MAPRE1: variants seen among roughly 807,000 people sequenced by gnomAD.
The protein encoded by MAPRE1 is microtubule-associated protein RP/EB family member 1.
A neutral mutation model predicts 32.1 loss-of-function variants in MAPRE1; 5 were observed. The observed-to-expected ratio is 0.16, with a 90% confidence interval of 0.08 to 0.33. The LOEUF (loss-of-function observed/expected upper bound fraction) is 0.33, where lower values mean the gene tolerates loss of function less well. MAPRE1 is among the 10% of genes least tolerant of loss of function. MAPRE1 has a pLI of 1.00. For synonymous variants in MAPRE1, 122 were observed against 118.9 expected (o/e 1.03, Z -0.17); for missense variants, 209 against 327.2 (o/e 0.64, Z 2.79).
At chr20:32,829,964 C>CT (rs142101819) in intron 2 of MAPRE1, among the ~76,000 whole-genome samples, 6,964 of 152,018 alleles carry the variant, frequency 0.046, 197 homozygotes, top group East Asian at 0.092. Flanking sequence ...TTTATGAGAG[C>CT]TTTTTTTTGT....
intron 2 of MAPRE1, among the ~76,000 whole-genome samples, chr20:32,828,477 C>T (rs1415344189): frequency 6.6e-6 from 1 of 152,198 alleles, no homozygotes; most frequent in Non-Finnish European, 1.5e-5. Flanking sequence ...CTCATTCAGG[C>T]AGAGAGCTGT....
intron 2 of MAPRE1, among the ~76,000 whole-genome samples, chr20:32,832,556 C>T (rs938168420): frequency 1.3e-5 from 2 of 150,598 alleles, no homozygotes; most frequent in African/African-American, 4.9e-5. Context: ...AGTCCTTGAC[C>T]TCTTGGGCTC....
rs1346905231 is a variant in MAPRE1, at chr20:32,832,327, T to G, written c.122-1390T>G. Among the ~76,000 whole-genome samples the G allele has an allele frequency of 2.0e-5, 3 of 151,950 alleles. No individual in the cohort carries two copies. The East Asian group carries it at 5.8e-4, about 29-fold the overall frequency. On this transcript the variant is annotated intron_variant, in intron 2 of 6. Transcript: ENST00000375571. ...TGAAGCCTGCTGTGAATTAGGAGAG[T>G]TCAGTTTGTCGGCATTAGAGAAATA... is the stretch of plus-strand genomic sequence containing the variant.
chr20:32,824,303 C>T (rs765013845), intron 1 of MAPRE1, among the ~76,000 whole-genome samples: 3 of 152,200 alleles, frequency 2.0e-5, no homozygotes, highest in Admixed American at 1.3e-4. Flanking sequence ...ACAATAACGC[C>T]CACATTTACT....
At chr20:32,821,217 A>G (rs1244934953) in intron 1 of MAPRE1, among the ~76,000 whole-genome samples, 1 of 152,170 alleles carries the variant, frequency 6.6e-6, no homozygotes, top group African/African-American at 2.4e-5. Context: ...AGGTTTCGCC[A>G]TGTTGGCCAG....
intron 3 of MAPRE1, among the ~76,000 whole-genome samples, chr20:32,834,565 A>G (rs1409951710): frequency 1.3e-5 from 2 of 151,916 alleles, no homozygotes; most frequent in Non-Finnish European, 1.5e-5. Flanking sequence ...TTTTATGGCA[A>G]AGGTAGTAAC....
At chr20:32,826,518 C>T (rs1417584915) in intron 2 of MAPRE1, among the ~76,000 whole-genome samples, 2 of 84,276 alleles carry the variant, frequency 2.4e-5, no homozygotes, top group Non-Finnish European at 4.7e-5. Context: ...CCACGCCCGG[C>T]CTTTTTTTTT....
At chr20:32,842,611 C>A (rs1983395629) in intron 5 of MAPRE1, among the ~76,000 whole-genome samples, 1 of 152,180 alleles carries the variant, frequency 6.6e-6, no homozygotes, top group Admixed American at 6.5e-5. Flanking sequence ...CTAAGGTATA[C>A]AGATGTTTCT....
At chr20:32,824,662 A>C (rs1169531881) in intron 1 of MAPRE1, among the ~76,000 whole-genome samples, 2 of 151,708 alleles carry the variant, frequency 1.3e-5, no homozygotes, top group African/African-American at 4.8e-5. Flanking sequence ...TTACTTTTTC[A>C]ATTATGAAAG....
chr20:32,839,980 C>T (rs1983315786), intron 5 of MAPRE1, 124 bp downstream of exon 5: 28 of 1,346,326 alleles, frequency 2.1e-5, no homozygotes, highest in East Asian at 4.8e-5. Flanking sequence ...GCATGTGACA[C>T]GTGTGAGCCT....
intron 5 of MAPRE1, among the ~76,000 whole-genome samples, chr20:32,840,236 T>A (rs144675093): frequency 2.0e-5 from 3 of 152,312 alleles, no homozygotes; most frequent in African/African-American, 7.2e-5. Context: ...CTGGGGTCAC[T>A]GGAGATTGGA....
At chr20:32,837,170 T>C (rs1469450762) in intron 4 of MAPRE1, among the ~76,000 whole-genome samples, 1 of 152,220 alleles carries the variant, frequency 6.6e-6, no homozygotes, top group African/African-American at 2.4e-5. Flanking sequence ...TCAGGCTAGC[T>C]CATGTAAGAG....
At position 32,836,625 on chromosome 20, in the gene MAPRE1, T is replaced by A; in HGVS notation, c.268-9T>A. 6.4e-7 allele frequency: 1 copy of A among 1,569,650 alleles called. No individual in the cohort carries two copies. The highest frequency in any genetic ancestry group is 8.8e-7 in the Non-Finnish European group (1 of 1,141,350). On this transcript the variant is annotated splice_polypyrimidine_tract_variant and intron_variant, in intron 3 of 6. Coordinates refer to ENST00000375571, the MANE Select transcript of MAPRE1 (RefSeq NM_012325.3). ...TTTTTTGGGGCTAAACAGTTGTTTTTCTCTGCAGATAATTCCTGTGGACAA... is the reference window on the plus strand; with the variant it reads ...TTTTTTGGGGCTAAACAGTTGTTTTACTCTGCAGATAATTCCTGTGGACAA...
At chr20:32,822,736 T>A (rs1982736958) in intron 1 of MAPRE1, among the ~76,000 whole-genome samples, 1 of 152,210 alleles carries the variant, frequency 6.6e-6, no homozygotes, top group Non-Finnish European at 1.5e-5. Flanking sequence ...TGCCTCACAT[T>A]CAAACCCATG....
chr20:32,846,647 C>G lies in MAPRE1; in HGVS notation c.627C>G (p.Asp209Glu). The G allele has an allele frequency of 6.2e-7, 1 of 1,613,644 alleles. No individual in the cohort carries two copies. Among genetic ancestry groups the G allele is most frequent in the East Asian group, 2.2e-5 (1 of 44,832 alleles). Reference protein sequence around the residue: ...QVNVLKLTVEDLEKERDFYFG... With the variant: ...QVNVLKLTVEELEKERDFYFG... ...ACGTATTGAAACTTACTGTTGAAGA[C>G]TTGGAGAAAGAGAGGGATTTCTACT... Residue 209 changes from aspartate to glutamate, a missense_variant, in exon 6 of 7, where the codon GAC becomes GAG. Physicochemically the swap from Asp to Glu is conservative, Grantham distance 45. Transcript: ENST00000375571.
chr20:32,842,002 GTTT>G (rs921217122), intron 5 of MAPRE1, among the ~76,000 whole-genome samples: 1 of 145,030 alleles, frequency 6.9e-6, no homozygotes, highest in African/African-American at 2.5e-5. Context: ...ACAGGAACCA[GTTT>G]TTTTTTTTGG....
At chr20:32,842,252 A>C (rs1172159161) in intron 5 of MAPRE1, among the ~76,000 whole-genome samples, 1 of 151,942 alleles carries the variant, frequency 6.6e-6, no homozygotes, top group Non-Finnish European at 1.5e-5. Context: ...CGCCTGGCTA[A>C]GTTTTTGTAT....
chr20:32,841,875 C>T (rs1983373465), intron 5 of MAPRE1, among the ~76,000 whole-genome samples: 1 of 152,084 alleles, frequency 6.6e-6, no homozygotes, highest in Non-Finnish European at 1.5e-5. Flanking sequence ...TGTTAAGTGC[C>T]TGGAATGGTG....
rs569049732 is a variant in MAPRE1, at chr20:32,822,421, A to G, written c.-4+2393A>G. On this transcript the variant is annotated intron_variant, in intron 1 of 6. Transcript: ENST00000375571. ...GAAATTCTCTCTGGTTTGCTGTGTA[A>G]GAACAGATTGACACAGACAAATTTG... Among the ~76,000 whole-genome samples, 3 of 152,284 alleles carry G rather than the reference A, an allele frequency of 2.0e-5. No homozygotes were observed. In the South Asian group the frequency reaches 6.2e-4, roughly 32 times the overall value.
Sources: allele counts gnomAD v4.1 joint callset (sites outside exome capture counted in the v4.1 genomes callset), GRCh38; gene constraint gnomAD v4.1.1; transcripts MANE v1.5; gene names NCBI Gene and HGNC (gene_info 2026-07-23, HGNC 2026-07-21).